The following RMND5B variants were observed in gnomAD, a reference collection of about 807,000 sequenced individuals.
RMND5B encodes the protein E3 ubiquitin-protein transferase RMND5B.
Under a neutral mutation model 50.4 loss-of-function variants are expected in RMND5B, and 42 were observed. The observed-to-expected ratio is 0.83, with a 90% CI of 0.65 to 1.08. RMND5B has a LOEUF of 1.08. Among genes scored for constraint, RMND5B ranks in the 50% least tolerant of loss-of-function variants. The pLI is 0.00. For missense variants in RMND5B, 463 were observed against 508.5 expected (o/e 0.91, Z 0.86); for synonymous variants, 220 against 210.0 (o/e 1.05, Z -0.41).
chr5:178,142,592 G>T lies in RMND5B; in HGVS notation c.149G>T (p.Gly50Val). 1 of 1,612,092 alleles carries T rather than the reference G, an allele frequency of 6.2e-7. No individual in the cohort carries two copies. Among genetic ancestry groups the T allele is most frequent in the Non-Finnish European group, 8.5e-7 (1 of 1,178,716 alleles). ...RAELASAALQ[G>V]TPLSATLSLV... ...TCCACTTTCTCTGCAGCCCTCCAGGGGACCCCTCTCTCAGCCACCCTCTCT... is the reference window on the plus strand; with the variant it reads ...TCCACTTTCTCTGCAGCCCTCCAGGTGACCCCTCTCTCAGCCACCCTCTCT... Residue 50 changes from glycine to valine, a missense_variant, in exon 4 of 11, where the codon GGG (glycine) becomes GTG (valine). Physicochemically the swap from Gly to Val is moderately radical, Grantham distance 109. Transcript: ENST00000313386.
rs867072649 is a variant in RMND5B, at chr5:178,148,756, G to A, written c.*724G>A. ...TTAGATGTCAGACCCCGGGCAAGGTGCTTTTACATATACCCATACCAGATC... is the reference window on the plus strand; with the variant it reads ...TTAGATGTCAGACCCCGGGCAAGGTACTTTTACATATACCCATACCAGATC... On this transcript the variant is annotated 3_prime_UTR_variant, in exon 11 of 11. Coordinates refer to ENST00000313386, the MANE Select transcript of RMND5B (RefSeq NM_022762.5). The A allele has an allele frequency of 5.2e-5, 8 of 152,920 alleles. No individual in the cohort carries two copies. Among genetic ancestry groups the A allele is most frequent in the East Asian group, 3.8e-4 (2 of 5,200 alleles). The allele number at this position is 152,920 out of a possible 1,614,324, so 9.5% of individuals were successfully genotyped here.
intron 2 of RMND5B, among the ~76,000 whole-genome samples, chr5:178,132,789 C>A (rs374681515): frequency 9.5e-4 from 37 of 38,900 alleles, no homozygotes; most frequent in Non-Finnish European, 1.1e-3. Flanking sequence ...CCCTGCCTCA[C>A]AAAAAAAAAA....
intron 3 of RMND5B, among the ~76,000 whole-genome samples, chr5:178,139,167 T>G (rs1758780958): frequency 6.6e-6 from 1 of 151,506 alleles, no homozygotes; most frequent in South Asian, 2.1e-4. Flanking sequence ...ATCCAAGAAA[T>G]GAAACATTGA....
intron 2 of RMND5B, 128 bp downstream of exon 2, chr5:178,131,504 G>T (rs1158270982): frequency 3.3e-5 from 5 of 151,692 alleles, no homozygotes; most frequent in Non-Finnish European, 7.4e-5. Context: ...AAAATGATGG[G>T]CTTTTTCCTC....
At position 178,147,879 on chromosome 5, in the gene RMND5B, G is replaced by C. The variant is rs1307227112; in HGVS notation, c.1114G>C (p.Gly372Arg). The change falls in exon 10 of 11, where the codon GGA becomes CGA. Residue 372 changes from glycine to arginine, a missense_variant. Transcript: ENST00000313386. ...RDALNKLING[G>R]KLKCPYCPME... ...TGCACTCAATAAGCTCATTAATGGA[G>C]GAAAGTAAGTTCCCCGTGCTCTACT... The C allele has an allele frequency of 1.3e-5, 21 of 1,613,966 alleles. No homozygotes were observed. The highest frequency in any genetic ancestry group is 1.8e-5 in the Non-Finnish European group (21 of 1,180,018).
At position 178,149,168 on chromosome 5, in the gene RMND5B, T is replaced by TG. The variant is rs938875003; in HGVS notation, c.*1141dup. The TG allele has an allele frequency of 6.5e-6, 1 of 152,942 alleles. No individual in the cohort carries two copies. Among genetic ancestry groups the TG allele is most frequent in the Non-Finnish European group, 1.5e-5 (1 of 68,604 alleles). The allele number at this position is 152,942 out of a possible 1,614,324, so 9.5% of individuals were successfully genotyped here. On this transcript the variant is annotated 3_prime_UTR_variant, in exon 11 of 11. Coordinates refer to ENST00000313386, the MANE Select transcript of RMND5B (RefSeq NM_022762.5). Reference sequence around the variant, plus strand: ...TAAGGCTCCTGGGTTAAGTTAGGAATGGGGGTGTTCCTGATGTGGGGGCTT... The same window carrying TG: ...TAAGGCTCCTGGGTTAAGTTAGGAATGGGGGGTGTTCCTGATGTGGGGGCTT...
chr5:178,135,995 CAG>C (rs1758604387), intron 2 of RMND5B: 1 of 152,198 alleles, frequency 6.6e-6, no homozygotes, highest in Admixed American at 6.5e-5. Flanking sequence ...CATTCCAACA[CAG>C]ATATTTGCTC....
At chr5:178,144,391 GTCCCACCTGTTCTGCCTCGTATGCC>G (rs1755866406) in intron 7 of RMND5B, among the ~76,000 whole-genome samples, 1 of 151,702 alleles carries the variant, frequency 6.6e-6, no homozygotes, top group East Asian at 1.9e-4. Flanking sequence ...TGCCATGCCC[GTCCCACCTGTTCTGCCTCGTATGCC>G]TCCCTGACCT....
At chr5:178,132,710 G>A (rs1758381147) in intron 2 of RMND5B, among the ~76,000 whole-genome samples, 1 of 142,368 alleles carries the variant, frequency 7.0e-6, no homozygotes, top group South Asian at 2.3e-4. Flanking sequence ...CTCTGGCCTG[G>A]GAAACAGATT....
chr5:178,132,737 CT>C (rs1224482166), intron 2 of RMND5B, among the ~76,000 whole-genome samples: 84 of 10,276 alleles, frequency 8.2e-3, no homozygotes, highest in African/African-American at 0.014. Flanking sequence ...CTGTCTCTCT[CT>C]TTTTTTTTTT....
At chr5:178,139,518 C>T (rs1758799912) in intron 3 of RMND5B, among the ~76,000 whole-genome samples, 1 of 143,516 alleles carries the variant, frequency 7.0e-6, no homozygotes, top group African/African-American at 2.6e-5. Context: ...GTGTAGTCAA[C>T]ATTTCAATTT....
rs1756106845 is a variant in RMND5B at position 178,147,757 on chromosome 5, G to A, written c.992G>A (p.Trp331Ter). The change falls in exon 10 of 11, where the codon TGG (tryptophan) becomes TAG (stop). Residue 331 changes from tryptophan to a stop codon, truncating the protein, a stop_gained. Coordinates refer to ENST00000313386, the MANE Select transcript of RMND5B (RefSeq NM_022762.5). LOFTEE classifies it high-confidence loss of function. ...PIEIELGMKC[W>*]YHSVFACPIL... ...GAGATTGAACTAGGCATGAAGTGCT[G>A]GTACCACTCCGTGTTCGCTTGCCCC... 1 of 1,614,148 alleles carries A rather than the reference G, an allele frequency of 6.2e-7. No individual in the cohort carries two copies. Among genetic ancestry groups the A allele is most frequent in the East Asian group, 2.2e-5 (1 of 44,884 alleles).
intron 3 of RMND5B, among the ~76,000 whole-genome samples, chr5:178,140,840 AAAG>A (rs1312401982): frequency 2.6e-5 from 4 of 152,012 alleles, no homozygotes; most frequent in Non-Finnish European, 5.9e-5. Context: ...AAAAAAAAAA[AAAG>A]TAGTTTGTGG....
In RMND5B at chr5:178,150,009, C is replaced by T. The variant is rs1166683541; in HGVS notation, c.*1977C>T. 1 of 660,992 alleles carries T rather than the reference C, an allele frequency of 1.5e-6. No individual in the cohort carries two copies. The highest frequency in any genetic ancestry group is 1.8e-5 in the African/African-American group (1 of 54,780). 40.9% of individuals were successfully genotyped at this position (660,992 alleles called of 1,614,324 possible). A position where few individuals can be genotyped will look rare whatever the true frequency, so the allele number is the denominator to read the frequency against. ...TTGCCATCATTTAAACTCAATCAGA[C>T]TTTGAAGGCATGGTCCAGCCACACA... On this transcript the variant is annotated 3_prime_UTR_variant, in exon 11 of 11. Coordinates refer to ENST00000313386, the MANE Select transcript of RMND5B (RefSeq NM_022762.5).
rs1561642052 is a variant in RMND5B at position 178,148,035 on chromosome 5, C to T, written c.*3C>T. ...ATGGGAAACGCATCATATTCTGATT[C>T]CTACCTGGAAGGAATTTTGTTGAAA... On this transcript the variant is annotated 3_prime_UTR_variant, in exon 11 of 11. Coordinates refer to ENST00000313386, the MANE Select transcript of RMND5B (RefSeq NM_022762.5). 2 of 1,613,966 alleles carry T rather than the reference C, an allele frequency of 1.2e-6. No individual in the cohort carries two copies. Among genetic ancestry groups the T allele is most frequent in the Non-Finnish European group, 1.7e-6 (2 of 1,179,904 alleles).
chr5:178,147,415 T>A, intron 8 of RMND5B, 118 bp from the exon 9 acceptor site: 1 of 703,696 alleles, frequency 1.4e-6, no homozygotes, highest in Non-Finnish European at 2.4e-6. Context: ...GAGGACCGAT[T>A]TGACCGTGCA....
At chr5:178,142,460 A>G (rs1017461367) in intron 3 of RMND5B, 123 bp from the exon 4 acceptor site, 1 of 1,109,494 alleles carries the variant, frequency 9.0e-7, no homozygotes, top group South Asian at 1.5e-5. Context: ...TAGTTCTTTC[A>G]CCCTGGCATT....
At chr5:178,133,795 T>G (rs1394157678) in intron 2 of RMND5B, among the ~76,000 whole-genome samples, 1 of 149,556 alleles carries the variant, frequency 6.7e-6, no homozygotes, top group East Asian at 2.0e-4. Context: ...CACTGCAAGC[T>G]CCACCTCCCG....
At chr5:178,146,643 C>G (rs1324257457) in intron 8 of RMND5B, 1 of 206,798 alleles carries the variant, frequency 4.8e-6, no homozygotes, top group Non-Finnish European at 9.9e-6. Flanking sequence ...ACACCACTTG[C>G]CTTCAGGGGA....
Sources: allele counts gnomAD v4.1 joint callset (sites outside exome capture counted in the v4.1 genomes callset), GRCh38; gene constraint gnomAD v4.1.1; transcripts MANE v1.5; gene names NCBI Gene and HGNC (gene_info 2026-07-23, HGNC 2026-07-21).